Variants in PALS2 observed in about 807,000 individuals in gnomAD.
The protein encoded by PALS2 is protein associated with LIN7 2, MAGUK p55 family member, also known as protein PALS2.
PALS2 carries 27 observed loss-of-function variants against 61.6 expected under a neutral mutation model. The observed-to-expected ratio is 0.44, with a 90% CI of 0.32 to 0.60. The LOEUF is 0.60. Ranked by LOEUF, PALS2 falls within the 20% of genes least tolerant of loss-of-function variation. The pLI is 0.05. For missense variants in PALS2, 554 were observed against 639.4 expected, an observed-to-expected ratio of 0.87 and a Z score of 1.44; for synonymous variants, 236 against 218.6, an observed-to-expected ratio of 1.08 and a Z score of -0.70.
intron 1 of PALS2, 114 bp from the exon 2 acceptor site, chr7:24,623,552 T>G (rs1241842076): frequency 1.7e-6 from 1 of 600,898 alleles, no homozygotes; most frequent in Non-Finnish European, 2.9e-6. Context: ...CCAAAGAGTA[T>G]TCTTAATGTC....
At chr7:24,617,861 A>G (rs1487270176) in intron 1 of PALS2, among the ~76,000 whole-genome samples, 1 of 152,142 alleles carries the variant, frequency 6.6e-6, no homozygotes, top group East Asian at 1.9e-4. Context: ...GCTTGGAGAC[A>G]CAATGCCTGG....
chr7:24,625,002 T>G (rs1414631727), intron 2 of PALS2, among the ~76,000 whole-genome samples: 1 of 152,192 alleles, frequency 6.6e-6, no homozygotes, highest in African/African-American at 2.4e-5. Context: ...ATCATCCAAC[T>G]GGAATTTTTA....
chr7:24,684,250 C>A (rs534222760), intron 11 of PALS2, among the ~76,000 whole-genome samples: 1 of 152,310 alleles, frequency 6.6e-6, no homozygotes, highest in Non-Finnish European at 1.5e-5. Flanking sequence ...CAGGCATGCG[C>A]CACCACACCC....
chr7:24,586,785 A>G (rs1364436883), intron 1 of PALS2, among the ~76,000 whole-genome samples: 1 of 152,168 alleles, frequency 6.6e-6, no homozygotes, highest in African/African-American at 2.4e-5. Flanking sequence ...TGTGGTAATA[A>G]TTTAAAAGTG....
At chr7:24,653,661 CATT>C (rs1786274543) in intron 5 of PALS2, among the ~76,000 whole-genome samples, 1 of 152,146 alleles carries the variant, frequency 6.6e-6, no homozygotes, top group South Asian at 2.1e-4. Context: ...ATACAGCAAA[CATT>C]ATCTGTTAAA....
intron 1 of PALS2, among the ~76,000 whole-genome samples, chr7:24,598,324 C>T (rs997337057): frequency 2.0e-5 from 3 of 152,034 alleles, no homozygotes; most frequent in Non-Finnish European, 2.9e-5. Flanking sequence ...ATTTTTAGTT[C>T]ATTTTATTAC....
At chr7:24,649,200 TA>T (rs1477657188) in intron 3 of PALS2, among the ~76,000 whole-genome samples, 4 of 152,116 alleles carry the variant, frequency 2.6e-5, no homozygotes, top group Non-Finnish European at 4.4e-5. Flanking sequence ...CAATGTTAGG[TA>T]AAAATGTCAT....
chr7:24,581,291 CAGAG>C (rs770951213), intron 1 of PALS2, among the ~76,000 whole-genome samples: 4 of 112,866 alleles, frequency 3.5e-5, no homozygotes, highest in African/African-American at 9.9e-5. Context: ...GTGTGTGTGT[CAGAG>C]AGAAAGGGAA....
At chr7:24,673,601 A>T (rs920377865) in intron 9 of PALS2, among the ~76,000 whole-genome samples, 12 of 152,030 alleles carry the variant, frequency 7.9e-5, no homozygotes, top group Admixed American at 1.3e-4. Context: ...GATTTTTTTT[A>T]AAATCAGTTT....
At chr7:24,612,536 G>C (rs1191730517) in intron 1 of PALS2, among the ~76,000 whole-genome samples, 1 of 151,224 alleles carries the variant, frequency 6.6e-6, no homozygotes, top group African/African-American at 2.4e-5. Flanking sequence ...TTACGTTATT[G>C]GATCTTCTTA....
At chr7:24,649,884 T>C (rs1786050574) in intron 4 of PALS2, 120 bp downstream of exon 4, 1 of 985,984 alleles carries the variant, frequency 1.0e-6, no homozygotes, top group African/African-American at 1.7e-5. Context: ...TATTCTTGTT[T>C]GGCCTGTGTA....
intron 9 of PALS2, among the ~76,000 whole-genome samples, chr7:24,669,281 CA>C (rs1439370000): frequency 2.0e-5 from 3 of 152,192 alleles, no homozygotes; most frequent in African/African-American, 7.2e-5. Flanking sequence ...TCTCTATTTG[CA>C]TATTTACATA....
intron 1 of PALS2, among the ~76,000 whole-genome samples, chr7:24,590,480 T>C (rs1008533265): frequency 2.0e-5 from 3 of 152,102 alleles, no homozygotes; most frequent in Non-Finnish European, 4.4e-5. Context: ...ACTAGGCAGG[T>C]AGGTATATTT....
At chr7:24,674,321 C>G (rs1787453279) in intron 9 of PALS2, 1 of 153,254 alleles carries the variant, frequency 6.5e-6, no homozygotes, top group African/African-American at 2.4e-5. Flanking sequence ...GTGCTGCTTA[C>G]TCTTACTCAT....
intron 3 of PALS2, among the ~76,000 whole-genome samples, chr7:24,645,569 C>CT (rs1785791232): frequency 6.6e-6 from 1 of 152,018 alleles, no homozygotes; most frequent in African/African-American, 2.4e-5. Context: ...CAGCTTTGTT[C>CT]TTTTTGCTTA....
At position 24,611,071 on chromosome 7, in the gene PALS2, G is replaced by A. The variant is rs576370860; in HGVS notation, c.-2-12595G>A. On this transcript the variant is annotated intron_variant, in intron 1 of 11. Coordinates refer to ENST00000222644, the MANE Select transcript of PALS2 (RefSeq NM_001303037.2). ...GATTTTTAATATTAAAATAGGCACG[G>A]CCTAGTATATTAAGAATAGCTCATT... is the stretch of plus-strand genomic sequence containing the variant. Among the ~76,000 whole-genome samples, 10 of 152,184 alleles carry A rather than the reference G, an allele frequency of 6.6e-5. No homozygotes were observed. In the South Asian group the frequency reaches 1.9e-3, roughly 28 times the overall value.
chr7:24,636,341 A>T (rs1469176563), intron 2 of PALS2, among the ~76,000 whole-genome samples: 1 of 151,896 alleles, frequency 6.6e-6, no homozygotes, highest in Non-Finnish European at 1.5e-5. Context: ...CATTAGCATG[A>T]TGTGTTATCA....
chr7:24,641,990 A>G, intron 3 of PALS2, 122 bp downstream of exon 3: 1 of 1,061,438 alleles, frequency 9.4e-7, no homozygotes, highest in Non-Finnish European at 1.4e-6. Flanking sequence ...GTAAGTATGT[A>G]AATTCCAACC....
At chr7:24,662,220 G>GA (rs1248706210) in intron 5 of PALS2, among the ~76,000 whole-genome samples, 1 of 152,018 alleles carries the variant, frequency 6.6e-6, no homozygotes, top group African/African-American at 2.4e-5. Flanking sequence ...CATGTTCCCA[G>GA]ATTTCGTTAT....
Sources: gnomAD v4.1 joint callset for allele counts (sites outside exome capture counted in the v4.1 genomes callset) on GRCh38, gnomAD v4.1.1 for gene constraint, MANE v1.5 for transcripts, NCBI Gene and HGNC (gene_info 2026-07-23, HGNC 2026-07-21) for gene names.